The following ATRX variants were observed in gnomAD, a reference collection of about 807,000 sequenced individuals.
ATRX encodes ATRX chromatin remodeler.
Under a neutral mutation model 172.6 loss-of-function variants are expected in ATRX, and 12 were observed. The observed-to-expected ratio is 0.07, with a 90% CI of 0.04 to 0.11. The LOEUF (loss-of-function observed/expected upper bound fraction) is 0.11. ATRX is among the 10% of genes least tolerant of loss of function. The pLI is 1.00. For synonymous variants in ATRX, 674 were observed against 594.7 expected (o/e 1.13, Z -1.94); for missense variants, 1,368 against 1,767.4 (o/e 0.77, Z 4.05).
At position 77,688,752 on chromosome X, in the gene ATRX, A is replaced by C; in HGVS notation, c.594+66T>G. 7.7e-6 allele frequency: 7 copies of C among 905,178 alleles called. No homozygotes were observed. The South Asian group carries it at 7.9e-5, about 10-fold the overall frequency. 74.6% of individuals were successfully genotyped at this position (905,178 alleles called of 1,213,427 possible). On this transcript the variant is annotated intron_variant, in intron 7 of 34. Transcript: ENST00000373344. ...CATCTTTCTTCAAGACTGTGCCCTC[A>C]AAGGCCTGGTATATGGTAAGCATTC...
In ATRX at chrX:77,717,991, T is replaced by G. The variant is rs2073533238; in HGVS notation, c.21-748A>C. Reference sequence around the variant, plus strand: ...TGACCCTTGTACTTATCTTGTCATATTATCATTAGGCACCTAAGTTATTAT... The same window carrying G: ...TGACCCTTGTACTTATCTTGTCATAGTATCATTAGGCACCTAAGTTATTAT... On this transcript the variant is annotated intron_variant, in intron 1 of 34. Coordinates refer to ENST00000373344, the MANE Select transcript of ATRX (RefSeq NM_000489.6). 2.7e-5 allele frequency among the ~76,000 whole-genome samples: 3 copies of G among 111,581 alleles called. No individual in the cohort carries two copies. In the Admixed American group the frequency reaches 2.9e-4, roughly 11 times the overall value.
rs781810645 is a variant in ATRX at position 77,762,165 on chromosome X, G to A, written c.20+23817C>T. Among the ~76,000 whole-genome samples, 7 of 109,288 alleles carry A rather than the reference G, an allele frequency of 6.4e-5. No individual in the cohort carries two copies. The East Asian group carries it at 8.6e-4, about 13-fold the overall frequency. The allele number at this position is 109,288 out of a possible 115,157, so 94.9% of individuals were successfully genotyped here. On this transcript the variant is annotated intron_variant, in intron 1 of 34. Coordinates refer to ENST00000373344, the MANE Select transcript of ATRX (RefSeq NM_000489.6). ...AAAATACAAAAAAAATTAGCCAGGC[G>A]TGGTGGCAGGCGCCTGTAGTCGCAG...
intron 2 of ATRX, among the ~76,000 whole-genome samples, chrX:77,714,963 T>G: frequency 8.9e-6 from 1 of 112,080 alleles, no homozygotes; most frequent in Non-Finnish European, 1.9e-5. Context: ...TCTTATTCAT[T>G]ACTTCCTGTA....
intron 34 of ATRX, among the ~76,000 whole-genome samples, chrX:77,512,207 C>A (rs2062893349): frequency 9.0e-6 from 1 of 111,600 alleles, no homozygotes; most frequent in Non-Finnish European, 1.9e-5. Context: ...AACAAACAAA[C>A]AAACAAAAAA....
At chrX:77,680,616 T>C (rs1336736203) in intron 9 of ATRX, among the ~76,000 whole-genome samples, 2 of 111,378 alleles carry the variant, frequency 1.8e-5, no homozygotes, top group Non-Finnish European at 3.8e-5. Context: ...TTGAAAACTG[T>C]AACATAAGAA....
rs2148544323 is a variant in ATRX at position 77,676,316 on chromosome X, T to A, written c.3737-18A>T. 1.7e-6 allele frequency: 2 copies of A among 1,179,680 alleles called. No individual in the cohort carries two copies. Among genetic ancestry groups the A allele is most frequent in the Non-Finnish European group, 2.3e-6 (2 of 868,613 alleles). ...TTCATCTCCTTGAGGGAAAAAAGTGTACTTAAAATTAGCTTTAAATAAGCT... is the reference window on the plus strand; with the variant it reads ...TTCATCTCCTTGAGGGAAAAAAGTGAACTTAAAATTAGCTTTAAATAAGCT... On this transcript the variant is annotated intron_variant, in intron 9 of 34. Transcript: ENST00000373344.
chrX:77,649,187 AAAGGAAGG>A (rs782465684), intron 15 of ATRX, among the ~76,000 whole-genome samples: 1 of 109,952 alleles, frequency 9.1e-6, no homozygotes, highest in South Asian at 3.9e-4. Flanking sequence ...AGAAAGAAAG[AAAGGAAGG>A]AAGGAAGGAA....
At chrX:77,758,788 TAACAA>T (rs2075610422) in intron 1 of ATRX, among the ~76,000 whole-genome samples, 1 of 111,688 alleles carries the variant, frequency 9.0e-6, no homozygotes, top group African/African-American at 3.2e-5. Context: ...GACCTGATTT[TAACAA>T]AACGAAATGG....
Position 77,786,099 on chromosome X carries a change from C to A in ATRX, c.-98G>T. The A allele has an allele frequency of 2.0e-6, 2 of 1,012,060 alleles. No homozygotes were observed. The highest frequency in any genetic ancestry group is 2.7e-6 in the Non-Finnish European group (2 of 739,756). 83.4% of individuals were successfully genotyped at this position (1,012,060 alleles called of 1,213,427 possible). A position where few individuals can be genotyped will look rare whatever the true frequency, so the allele number is the denominator to read the frequency against. On this transcript the variant is annotated 5_prime_UTR_variant, in exon 1 of 35. Transcript: ENST00000373344. ...GATAGAAATGCACTGGAGTCTTAGT[C>A]GTCACTGTAGCTGCTGCTGGAACCT...
chrX:77,622,542 T>C (rs2067638826), intron 19 of ATRX, among the ~76,000 whole-genome samples: 1 of 111,375 alleles, frequency 9.0e-6, no homozygotes, highest in South Asian at 3.8e-4. Flanking sequence ...AGGATGGCCA[T>C]CAGAGCAGAG....
At position 77,505,777 on chromosome X, in the gene ATRX, T is replaced by C. The variant is rs1195493715; in HGVS notation, c.*2574A>G. The C allele has an allele frequency of 1.2e-5, 2 of 171,779 alleles. No homozygotes were observed. The highest frequency in any genetic ancestry group is 3.0e-5 in the African/African-American group (1 of 33,839). The allele number at this position is 171,779 out of a possible 1,213,427, so 14.2% of individuals were successfully genotyped here. ...AAGTTTCAACTACTAAACAGCACTT[T>C]GAATGGTGAAAACACAGATAGTATA... On this transcript the variant is annotated 3_prime_UTR_variant, in exon 35 of 35. Transcript: ENST00000373344.
chrX:77,650,912 C>G (rs1165669905), intron 15 of ATRX, among the ~76,000 whole-genome samples: 1 of 111,758 alleles, frequency 8.9e-6, no homozygotes, highest in Non-Finnish European at 1.9e-5. Context: ...TTTAAAACTA[C>G]TATGTGAGGC....
intron 22 of ATRX, among the ~76,000 whole-genome samples, chrX:77,604,645 T>C (rs182559149): frequency 2.1e-4 from 24 of 111,957 alleles, no homozygotes; most frequent in Admixed American, 6.6e-4. Context: ...ACTAGGTATC[T>C]ACCAAAAGAG....
At chrX:77,513,542 C>T (rs2062951016) in intron 34 of ATRX, among the ~76,000 whole-genome samples, 1 of 110,243 alleles carries the variant, frequency 9.1e-6, no homozygotes, top group Non-Finnish European at 1.9e-5. Context: ...GGACTCATTC[C>T]TGGCCCACAA....
chrX:77,600,646 G>T, intron 22 of ATRX, 82 bp from the exon 23 acceptor site: 1 of 1,058,156 alleles, frequency 9.5e-7, no homozygotes, highest in Non-Finnish European at 1.3e-6. Context: ...AATCTTACTT[G>T]TGACATAAAC....
At chrX:77,548,646 G>C (rs1380846363) in intron 30 of ATRX, among the ~76,000 whole-genome samples, 1 of 112,296 alleles carries the variant, frequency 8.9e-6, no homozygotes, top group African/African-American at 3.2e-5. Flanking sequence ...AAGTGGATTA[G>C]CTATTTCATA....
chrX:77,726,367 G>A (rs1347987659), intron 1 of ATRX, among the ~76,000 whole-genome samples: 21 of 106,000 alleles, frequency 2.0e-4, no homozygotes, highest in Non-Finnish European at 3.3e-4. Flanking sequence ...GCAAACTATC[G>A]CAAGGACAAA....
intron 2 of ATRX, among the ~76,000 whole-genome samples, chrX:77,701,849 C>T (rs970896072): frequency 9.1e-5 from 10 of 109,668 alleles, no homozygotes; most frequent in South Asian, 3.9e-4. Flanking sequence ...GTGGATCACC[C>T]GAGGTCCGGA....
chrX:77,609,165 A>G (rs1557092621), intron 22 of ATRX, among the ~76,000 whole-genome samples: 1 of 111,708 alleles, frequency 9.0e-6, no homozygotes, highest in African/African-American at 3.3e-5. Context: ...CACTATGGAG[A>G]AAAGTTTGGA....
Sources: gnomAD v4.1 joint callset for allele counts (sites outside exome capture counted in the v4.1 genomes callset) on GRCh38, gnomAD v4.1.1 for gene constraint, MANE v1.5 for transcripts, NCBI Gene and HGNC (gene_info 2026-07-23, HGNC 2026-07-21) for gene names.